The following CEP72 variants were observed in gnomAD, a reference collection of about 807,000 sequenced individuals.
The protein encoded by CEP72 is centrosomal protein of 72 kDa.
CEP72 carries 78 observed loss-of-function variants against 65.7 expected under a neutral mutation model. The observed-to-expected ratio is 1.19, with a 90% CI of 0.99 to 1.43. The LOEUF (loss-of-function observed/expected upper bound fraction) is 1.43, where lower values mean the gene tolerates loss of function less well. Ranked by LOEUF, CEP72 falls within the 40% of genes most tolerant of loss-of-function variation. The pLI is 0.00. For synonymous variants in CEP72, 358 were observed against 351.7 expected, an observed-to-expected ratio of 1.02 and a Z score of -0.20; for missense variants, 914 against 832.9, an observed-to-expected ratio of 1.10 and a Z score of -1.20.
intron 8 of CEP72, 69 bp from the exon 9 acceptor site, chr5:640,339 G>C: frequency 6.4e-7 from 1 of 1,559,900 alleles, no homozygotes; most frequent in Non-Finnish European, 8.7e-7. Context: ...AAAACATACT[G>C]AGCCGATTTT....
intron 3 of CEP72, among the ~76,000 whole-genome samples, chr5:622,545 T>A (rs1229479703): frequency 6.6e-6 from 1 of 152,266 alleles, no homozygotes; most frequent in Non-Finnish European, 1.5e-5. Flanking sequence ...CACCCACTCA[T>A]GTGGCAAGTG....
chr5:638,566 G>T (rs549913665), intron 7 of CEP72, among the ~76,000 whole-genome samples: 2 of 152,034 alleles, frequency 1.3e-5, no homozygotes, highest in Non-Finnish European at 2.9e-5. Flanking sequence ...CATGGGGTGG[G>T]GGGGGGTCCC....
chr5:646,869 G>T (rs765446493), intron 10 of CEP72, among the ~76,000 whole-genome samples: 1 of 152,194 alleles, frequency 6.6e-6, no homozygotes, highest in Non-Finnish European at 1.5e-5. Context: ...GCCTCTGGGG[G>T]TTTGTCCCAG....
At chr5:619,621 C>T (rs1016261653) in intron 2 of CEP72, among the ~76,000 whole-genome samples, 8 of 152,228 alleles carry the variant, frequency 5.3e-5, no homozygotes, top group South Asian at 2.1e-4. Context: ...ATGGAGGCCA[C>T]GTCTGACACC....
intron 11 of CEP72, among the ~76,000 whole-genome samples, chr5:648,699 GAATGTGAGGCGT>G (rs1738627367): frequency 3.8e-5 from 5 of 133,022 alleles, no homozygotes; most frequent in Non-Finnish European, 6.4e-5. Context: ...TGTGAGGCGT[GAATGTGAGGCGT>G]GACTGTGAGG....
At chr5:637,091 C>T (rs1031404673) in intron 6 of CEP72, among the ~76,000 whole-genome samples, 1 of 152,298 alleles carries the variant, frequency 6.6e-6, no homozygotes, top group South Asian at 2.1e-4. Context: ...GTACAGTGCA[C>T]GGGACCCACC....
chr5:624,925 T>TG lies in CEP72; in HGVS notation c.512+347dup, dbSNP rs2126750313. Among the ~76,000 whole-genome samples the TG allele has an allele frequency of 6.6e-6, 1 of 152,338 alleles. No homozygotes were observed. The highest frequency in any genetic ancestry group is 1.5e-5 in the Non-Finnish European group (1 of 68,032). ...CTCTCGCTTCAGCTACTTTCTTAGC[T>TG]GCCCATCCAGCCAAATCCCACTTCT... On this transcript the variant is annotated intron_variant, in intron 4 of 11. Coordinates refer to ENST00000264935, the MANE Select transcript of CEP72 (RefSeq NM_018140.4). The surrounding 1 kb of genome is among the most constrained non-coding windows in gnomAD (Gnocchi z 4.7).
chr5:625,441 G>C (rs1365182999), intron 4 of CEP72, among the ~76,000 whole-genome samples: 1 of 152,218 alleles, frequency 6.6e-6, no homozygotes, highest in Non-Finnish European at 1.5e-5. Flanking sequence ...CGTGACCTCT[G>C]TCCCATCTTC....
intron 9 of CEP72, chr5:641,499 C>T (rs1738018566): frequency 1.0e-6 from 1 of 985,298 alleles, no homozygotes; most frequent in Non-Finnish European, 1.2e-6. Flanking sequence ...CTCAGAGATC[C>T]CACACAACGC....
downstream of CEP72, among the ~76,000 whole-genome samples, chr5:654,077 CCTAGTGTGTGT>C (rs561840534): frequency 8.8e-6 from 1 of 113,506 alleles, no homozygotes; most frequent in Non-Finnish European, 1.8e-5. Context: ...TGTGTGTGCG[CCTAGTGTGTGT>C]GTGCTAGCTG....
intron 9 of CEP72, chr5:643,643 G>C: frequency 1.0e-6 from 1 of 985,400 alleles, no homozygotes; most frequent in African/African-American, 1.7e-5. Flanking sequence ...GGATGTGCCT[G>C]CTGGTGCCTG....
intron 1 of CEP72, among the ~76,000 whole-genome samples, chr5:615,961 C>T (rs901325169): frequency 6.6e-6 from 1 of 152,148 alleles, no homozygotes; most frequent in African/African-American, 2.4e-5. Flanking sequence ...GGTCTCTATC[C>T]TCTCCCCTTT....
chr5:674,072 G>T, the CEP72 span, among the ~76,000 whole-genome samples: 1 of 152,250 alleles, frequency 6.6e-6, no homozygotes, highest in Non-Finnish European at 1.5e-5. Flanking sequence ...TGCACATGGG[G>T]CCGGCCCTGC....
At chr5:671,520 G>T (rs1243996192), downstream of CEP72, among the ~76,000 whole-genome samples, 1 of 152,228 alleles carries the variant, frequency 6.6e-6, no homozygotes, top group Non-Finnish European at 1.5e-5. Context: ...AGGCTCATGG[G>T]GCAAAGTGGA....
At chr5:646,713 G>T (rs773105230) in intron 10 of CEP72, among the ~76,000 whole-genome samples, 5 of 152,242 alleles carry the variant, frequency 3.3e-5, no homozygotes, top group African/African-American at 9.6e-5. Flanking sequence ...CATGGGAGGG[G>T]CAGGGCCGTG....
At chr5:651,590 T>A (rs1220892621) in intron 11 of CEP72, among the ~76,000 whole-genome samples, 2 of 151,824 alleles carry the variant, frequency 1.3e-5, no homozygotes, top group Non-Finnish European at 2.9e-5. Context: ...TATAGGGGGA[T>A]GGTGAGAAGG....
intron 10 of CEP72, 95 bp downstream of exon 10, chr5:644,520 G>C (rs1275706233): frequency 7.1e-7 from 1 of 1,410,036 alleles, no homozygotes; most frequent in Non-Finnish European, 9.9e-7. Context: ...AGGGAAGTGA[G>C]CAGCAGCAGA....
At chr5:643,629 C>T (rs1738211591) in intron 9 of CEP72, 1 of 985,358 alleles carries the variant, frequency 1.0e-6, no homozygotes, top group African/African-American at 1.7e-5. Flanking sequence ...CACCCCCGGC[C>T]CCAGGATGTG....
At chr5:663,126 C>CCGATGACTGCTCGTCTGTGACCGGGT (rs1739734399) in intron 1 of CEP72, 1 of 86,304 alleles carries the variant, frequency 1.2e-5, no homozygotes, top group Non-Finnish European at 2.4e-5. Flanking sequence ...TGTGATCGGG[C>CCGATGACTGCTCGTCTGTGACCGGGT]GATTCCGGTG....
Sources: allele counts gnomAD v4.1 joint callset (sites outside exome capture counted in the v4.1 genomes callset), GRCh38; gene constraint gnomAD v4.1.1; non-coding constraint Gnocchi (gnomAD v3.1); transcripts MANE v1.5; gene names NCBI Gene and HGNC (gene_info 2026-07-23, HGNC 2026-07-21).